Variants in DENND10 observed in about 807,000 individuals in gnomAD.
The protein encoded by DENND10 is DENN domain containing 10.
Under a neutral mutation model 43.6 loss-of-function variants are expected in DENND10, and 24 were observed. The ratio of observed to expected loss-of-function variants is 0.55; its 90% CI spans 0.40 to 0.77. The LOEUF (loss-of-function observed/expected upper bound fraction) is 0.77, where lower values mean the gene tolerates loss of function less well. Among genes scored for constraint, DENND10 ranks in the 30% least tolerant of loss-of-function variants. DENND10 has a pLI of 0.00. For synonymous variants in DENND10, 125 were observed against 157.6 expected (o/e 0.79, Z 1.55); for missense variants, 303 against 429.9 (o/e 0.70, Z 2.61).
chr10:119,113,195 T>C (rs1370031406), intron 3 of DENND10, among the ~76,000 whole-genome samples: 1 of 98,496 alleles, frequency 1.0e-5, no homozygotes, highest in Non-Finnish European at 2.3e-5. Flanking sequence ...TTCTGGTTGT[T>C]GTCTTTTTTT....
Position 119,123,478 on chromosome 10 carries a change from T to A in DENND10, c.603T>A (p.Pro201=). The A allele has an allele frequency of 6.2e-7, 1 of 1,613,420 alleles. No homozygotes were observed. The highest frequency in any genetic ancestry group is 8.5e-7 in the Non-Finnish European group (1 of 1,179,456). Residue 201 remains proline, a synonymous_variant, in exon 6 of 9, where the codon CCT becomes CCA. Coordinates refer to ENST00000361432, the MANE Select transcript of DENND10 (RefSeq NM_207009.4). ...TGCCTTGATTCCCCAGGACTCTGCC[T>A]GCCCTGGTGTGGCACCGACAGGACT... is the stretch of plus-strand genomic sequence containing the variant. The part of the protein sequence containing the change: ...EAVQEFTRTL[P]ALVWHRQDWT...
At position 119,125,508 on chromosome 10, in the gene DENND10, T is replaced by C. The variant is rs1167203244; in HGVS notation, c.694+1939T>C. On this transcript the variant is annotated intron_variant, in intron 6 of 8. Transcript: ENST00000361432. ...GATTCCACTTCTAGTTTTCTTTTTTTTTTTTTTTTTTTTTTTTGAGTTGGA... is the reference window on the plus strand; with the variant it reads ...GATTCCACTTCTAGTTTTCTTTTTTCTTTTTTTTTTTTTTTTTGAGTTGGA... 8.9e-4 allele frequency among the ~76,000 whole-genome samples: 109 copies of C among 123,058 alleles called. 1 individual carries two copies. The highest frequency in any genetic ancestry group is 3.1e-3 in the East Asian group (15 of 4,774). The allele number at this position is 123,058 out of a possible 152,430, so 80.7% of individuals were successfully genotyped here.
At chr10:119,125,377 C>G (rs1845776670) in intron 6 of DENND10, among the ~76,000 whole-genome samples, 1 of 151,328 alleles carries the variant, frequency 6.6e-6, no homozygotes, top group Non-Finnish European at 1.5e-5. Flanking sequence ...TTATGGGGTA[C>G]ATATGATGTT....
In DENND10 at chr10:119,136,737, GAGAAA is replaced by G; in HGVS notation, c.*91_*95del. 3.2e-6 allele frequency: 2 copies of G among 619,178 alleles called. No individual in the cohort carries two copies. The highest frequency in any genetic ancestry group is 2.4e-5 in the South Asian group (1 of 41,316). The allele number at this position is 619,178 out of a possible 1,614,324, so 38.4% of individuals were successfully genotyped here. A position where few individuals can be genotyped will look rare whatever the true frequency, so the allele number is the denominator to read the frequency against. Reference sequence around the variant, plus strand: ...ACTACATGAAGTCCTGAAAATAACAGAGAAACTGTTATATCTTTTTAATGATTTAT... The same window carrying G: ...ACTACATGAAGTCCTGAAAATAACAGCTGTTATATCTTTTTAATGATTTAT... On this transcript the variant is annotated 3_prime_UTR_variant, in exon 9 of 9. Coordinates refer to ENST00000361432, the MANE Select transcript of DENND10 (RefSeq NM_207009.4).
rs762739820 is a variant in DENND10, at chr10:119,132,627, T to C, written c.897+18T>C. Reference sequence around the variant, plus strand: ...TTATACAGGTAACTCCCTCACCTTCTGACTTACTGAAAGTCCTGACCCGGT... The same window carrying C: ...TTATACAGGTAACTCCCTCACCTTCCGACTTACTGAAAGTCCTGACCCGGT... On this transcript the variant is annotated intron_variant, in intron 8 of 8. Transcript: ENST00000361432. This position sits in a 1 kb window ranked among gnomAD's most constrained non-coding sequence, Gnocchi z 4.2. 6.3e-7 allele frequency: 1 copy of C among 1,596,100 alleles called. No homozygotes were observed. Among genetic ancestry groups the C allele is most frequent in the South Asian group, 1.1e-5 (1 of 90,746 alleles).
chr10:119,113,884 A>G (rs1432695714), intron 3 of DENND10, among the ~76,000 whole-genome samples: 1 of 152,188 alleles, frequency 6.6e-6, no homozygotes, highest in African/African-American at 2.4e-5. Flanking sequence ...TGTGGCACTT[A>G]CACAAAGGGA....
intron 3 of DENND10, among the ~76,000 whole-genome samples, chr10:119,116,522 A>G (rs1845281868): frequency 1.3e-5 from 2 of 152,220 alleles, no homozygotes; most frequent in Admixed American, 6.5e-5. Context: ...AGTGCACAAC[A>G]TTCTTGAGAA....
At position 119,136,809 on chromosome 10, in the gene DENND10, T is replaced by A. The variant is rs966146120; in HGVS notation, c.*162T>A. 1 of 484,646 alleles carries A rather than the reference T, an allele frequency of 2.1e-6. No individual in the cohort carries two copies. Among genetic ancestry groups the A allele is most frequent in the African/African-American group, 2.0e-5 (1 of 49,984 alleles). The allele number at this position is 484,646 out of a possible 1,614,324, so 30.0% of individuals were successfully genotyped here. ...TTGACCTGAAAAACAATGAAACACA[T>A]GAACACACTTCCGATTTTCTCCTCG... On this transcript the variant is annotated 3_prime_UTR_variant, in exon 9 of 9. Coordinates refer to ENST00000361432, the MANE Select transcript of DENND10 (RefSeq NM_207009.4).
Position 119,108,102 on chromosome 10 carries a change from T to C in DENND10, c.190T>C (p.Tyr64His). The C allele has an allele frequency of 6.2e-7, 1 of 1,613,950 alleles. No individual in the cohort carries two copies. The highest frequency in any genetic ancestry group is 8.5e-7 in the Non-Finnish European group (1 of 1,179,862). The change falls in exon 2 of 9, where the codon TAC (tyrosine) becomes CAC (histidine). Residue 64 changes from tyrosine (Y) to histidine (H), a missense_variant. Coordinates refer to ENST00000361432, the MANE Select transcript of DENND10 (RefSeq NM_207009.4). ...KLLHPFVFGQ[Y>H]RRTWFYITTI... ...TCTCCATCCCTTTGTCTTTGGTCAGTACAGAAGAACATGGTTTTATATCAC... is the reference window on the plus strand; with the variant it reads ...TCTCCATCCCTTTGTCTTTGGTCAGCACAGAAGAACATGGTTTTATATCAC...
rs376188941 is a variant in DENND10, at chr10:119,136,619, C to T, written c.1046C>T (p.Ala349Val). ...PATENFLYHL[A>V]AAEQMLKI is the part of the protein sequence containing the mutation. The stretch of plus-strand genomic sequence containing the variant: ...ACAGAAAACTTCCTTTATCATCTAG[C>T]AGCAGCCGAACAAATGCTGAAAATC... The change falls in exon 9 of 9, where the codon GCA becomes GTA. Residue 349 changes from alanine to valine, a missense_variant. Transcript: ENST00000361432. 6.8e-5 allele frequency: 105 copies of T among 1,537,270 alleles called. No individual in the cohort carries two copies. The highest frequency in any genetic ancestry group is 8.4e-5 in the Non-Finnish European group (96 of 1,136,476).
rs779827685 is a variant in DENND10 at position 119,136,585 on chromosome 10, C to T, written c.1012C>T (p.Pro338Ser). Residue 338 changes from proline to serine, a missense_variant, in exon 9 of 9, where the codon CCA (proline) becomes TCA (serine). Pro to Ser is a moderately conservative substitution (Grantham distance 74, BLOSUM62 -1). Coordinates refer to ENST00000361432, the MANE Select transcript of DENND10 (RefSeq NM_207009.4). ...GGAGGCGCTAAAGCAAAAACGATTT[C>T]CACCAGCAACAGAAAACTTCCTTTA... ...NLEALKQKRF[P>S]PATENFLYHL... is the part of the protein sequence containing the mutation. 1.9e-6 allele frequency: 3 copies of T among 1,578,970 alleles called. No homozygotes were observed. The highest frequency in any genetic ancestry group is 2.6e-6 in the Non-Finnish European group (3 of 1,165,338).
chr10:119,123,380 AT>A, intron 5 of DENND10, 88 bp from the exon 6 acceptor site: 1 of 937,360 alleles, frequency 1.1e-6, no homozygotes, highest in South Asian at 1.4e-5. Flanking sequence ...TACCCTCTTC[AT>A]TTCCTTCTCA....
At chr10:119,107,881 G>T (rs1844772279) in intron 1 of DENND10, 87 bp from the exon 2 acceptor site, 3 of 1,239,894 alleles carry the variant, frequency 2.4e-6, no homozygotes, top group Non-Finnish European at 3.6e-6. Flanking sequence ...TGTTAAAACT[G>T]ATTCCACTAA....
At chr10:119,123,085 T>C (rs1845649226) in intron 5 of DENND10, among the ~76,000 whole-genome samples, 1 of 152,126 alleles carries the variant, frequency 6.6e-6, no homozygotes, top group Non-Finnish European at 1.5e-5. Flanking sequence ...CTGGCCAACA[T>C]GGTGAACCCC....
intron 8 of DENND10, 111 bp from the exon 9 acceptor site, chr10:119,136,359 CT>C: frequency 2.3e-6 from 3 of 1,296,034 alleles, no homozygotes; most frequent in Non-Finnish European, 3.2e-6. Flanking sequence ...CCACGCCAAG[CT>C]CATTTTTCAT....
intron 6 of DENND10, among the ~76,000 whole-genome samples, chr10:119,124,371 CAAAAAA>C (rs1175412178): frequency 2.9e-5 from 3 of 104,870 alleles, no homozygotes; most frequent in Admixed American, 1.1e-4. Context: ...ACTAAAATAC[CAAAAAA>C]AAAAAAAAAA....
At chr10:119,112,946 T>G (rs1845048275) in intron 3 of DENND10, among the ~76,000 whole-genome samples, 1 of 151,430 alleles carries the variant, frequency 6.6e-6, no homozygotes. Flanking sequence ...GCCTCCTGGG[T>G]TCAAGCGATT....
intron 4 of DENND10, among the ~76,000 whole-genome samples, chr10:119,118,864 T>G (rs1312074912): frequency 1.7e-5 from 2 of 116,414 alleles, no homozygotes; most frequent in Non-Finnish European, 3.4e-5. Flanking sequence ...TTTTTTTGAG[T>G]CAAGAGTCTC....
At chr10:119,104,618 A>C (rs1272938490) in intron 1 of DENND10, 2 of 151,122 alleles carry the variant, frequency 1.3e-5, no homozygotes, top group African/African-American at 4.9e-5. Flanking sequence ...GGGAGGAGGC[A>C]GGGTCCGGTT....
Sources: gnomAD v4.1 joint callset for allele counts (sites outside exome capture counted in the v4.1 genomes callset) on GRCh38, gnomAD v4.1.1 for gene constraint, Gnocchi (gnomAD v3.1) non-coding constraint, MANE v1.5 for transcripts, NCBI Gene and HGNC (gene_info 2026-07-23, HGNC 2026-07-21) for gene names.